Variants in DIAPH3 observed in about 807,000 individuals in gnomAD.
The protein encoded by DIAPH3 is diaphanous related formin 3.
In DIAPH3, 117 loss-of-function variants were observed where a neutral mutation model predicts 144.3. The observed-to-expected ratio is 0.81, with a 90% confidence interval of 0.70 to 0.95. The LOEUF (loss-of-function observed/expected upper bound fraction) is 0.95, where lower values mean the gene tolerates loss of function less well. DIAPH3 is among the 40% of genes least tolerant of loss of function. The probability of loss-of-function intolerance (pLI) is 0.00; values close to 1 mark genes in which losing one functional copy is unlikely to be tolerated. For synonymous variants in DIAPH3, 519 were observed against 488.9 expected, an observed-to-expected ratio of 1.06 and a Z score of -0.81; for missense variants, 1,421 against 1,412.7, an observed-to-expected ratio of 1.01 and a Z score of -0.09.
At chr13:59,810,448 A>T (rs1455820937) in intron 25 of DIAPH3, among the ~76,000 whole-genome samples, 1 of 152,148 alleles carries the variant, frequency 6.6e-6, no homozygotes, top group Non-Finnish European at 1.5e-5. Context: ...GTCCTATAGA[A>T]TTTTCCACAG....
At chr13:59,901,678 A>C (rs1320689611) in intron 20 of DIAPH3, among the ~76,000 whole-genome samples, 1 of 152,234 alleles carries the variant, frequency 6.6e-6, no homozygotes, top group Non-Finnish European at 1.5e-5. Flanking sequence ...GGTGTTCAAT[A>C]AATATTTGTC....
intron 27 of DIAPH3, among the ~76,000 whole-genome samples, chr13:59,772,894 T>C (rs2038198531): frequency 6.6e-6 from 1 of 152,064 alleles, no homozygotes; most frequent in Admixed American, 6.6e-5. Context: ...TGGAACCATA[T>C]TCTTGTCACA....
intron 25 of DIAPH3, among the ~76,000 whole-genome samples, chr13:59,780,295 C>T (rs2038667877): frequency 6.6e-6 from 1 of 152,020 alleles, no homozygotes; most frequent in Non-Finnish European, 1.5e-5. Flanking sequence ...ATGTTAGGGA[C>T]TGTAGAGGGA....
intron 20 of DIAPH3, 60 bp from the exon 21 acceptor site, chr13:59,879,528 C>A (rs772336932): frequency 1.2e-6 from 2 of 1,603,914 alleles, no homozygotes; most frequent in Non-Finnish European, 1.7e-6. Context: ...TAGTACTGTA[C>A]GACTGCAAGT....
intron 4 of DIAPH3, among the ~76,000 whole-genome samples, chr13:60,090,935 T>G (rs1214337143): frequency 6.6e-6 from 1 of 152,178 alleles, no homozygotes; most frequent in African/African-American, 2.4e-5. Flanking sequence ...TAGTCCAAAA[T>G]GATTAGAGGA....
chr13:59,910,605 T>C (rs2046949352), intron 20 of DIAPH3, among the ~76,000 whole-genome samples: 1 of 151,992 alleles, frequency 6.6e-6, no homozygotes, highest in South Asian at 2.1e-4. Context: ...GTTGGCCACC[T>C]ATAATCCCAG....
intron 27 of DIAPH3, among the ~76,000 whole-genome samples, chr13:59,714,746 C>T (rs7324646): frequency 0.056 from 8,528 of 152,162 alleles, 364 homozygotes; most frequent in Non-Finnish European, 0.087. Flanking sequence ...TTTATTGTCT[C>T]ACTTAACAAG....
At chr13:59,895,499 G>A (rs1832727853) in intron 20 of DIAPH3, among the ~76,000 whole-genome samples, 2 of 148,478 alleles carry the variant, frequency 1.3e-5, no homozygotes, top group Admixed American at 6.7e-5. Flanking sequence ...TGGAAGACAA[G>A]GATGTTTAAT....
At chr13:59,790,715 A>T (rs79542450) in intron 25 of DIAPH3, among the ~76,000 whole-genome samples, 37 of 152,110 alleles carry the variant, frequency 2.4e-4, no homozygotes, top group African/African-American at 8.0e-4. Flanking sequence ...AAAATTGGTG[A>T]AGAAAAAGAA....
chr13:59,678,838 C>T (rs1180016775), intron 27 of DIAPH3, among the ~76,000 whole-genome samples: 1 of 152,086 alleles, frequency 6.6e-6, no homozygotes, highest in African/African-American at 2.4e-5. Context: ...ACAAGTATGA[C>T]ATGAGTTAAT....
At chr13:60,007,730 A>G (rs1435812073) in intron 9 of DIAPH3, among the ~76,000 whole-genome samples, 1 of 152,190 alleles carries the variant, frequency 6.6e-6, no homozygotes, top group East Asian at 1.9e-4. Flanking sequence ...TTAAAAAAAG[A>G]AAGAGAAATT....
At chr13:59,882,251 G>T (rs1362065300) in intron 20 of DIAPH3, among the ~76,000 whole-genome samples, 2 of 151,984 alleles carry the variant, frequency 1.3e-5, no homozygotes, top group Non-Finnish European at 2.9e-5. Flanking sequence ...ACCACGCCCG[G>T]CTAATTTTTT....
intron 21 of DIAPH3, among the ~76,000 whole-genome samples, chr13:59,868,579 T>G (rs1259901388): frequency 6.6e-6 from 1 of 152,176 alleles, no homozygotes; most frequent in African/African-American, 2.4e-5. Flanking sequence ...TATTGTTAAC[T>G]AGTTTCCACG....
intron 17 of DIAPH3, among the ~76,000 whole-genome samples, chr13:59,968,237 T>A (rs1206748491): frequency 6.6e-6 from 1 of 152,188 alleles, no homozygotes; most frequent in Admixed American, 6.5e-5. Context: ...GTTTCCCTTT[T>A]GAGCCTCATT....
chr13:59,789,804 A>G (rs543592796), intron 25 of DIAPH3, among the ~76,000 whole-genome samples: 1 of 152,322 alleles, frequency 6.6e-6, no homozygotes, highest in South Asian at 2.1e-4. Flanking sequence ...AAAGGTGTGA[A>G]ATAATCAAAA....
chr13:59,988,614 G>C (rs960062230), intron 12 of DIAPH3, among the ~76,000 whole-genome samples: 1 of 151,766 alleles, frequency 6.6e-6, no homozygotes, highest in South Asian at 2.1e-4. Context: ...ATCTCCATGA[G>C]CAATATTGGT....
chr13:59,857,239 T>A (rs992054673), intron 22 of DIAPH3, among the ~76,000 whole-genome samples: 1 of 152,134 alleles, frequency 6.6e-6, no homozygotes, highest in African/African-American at 2.4e-5. Context: ...ATTTTCCAGG[T>A]GGTTGCCACC....
chr13:59,839,632 A>G (rs1593621819), intron 22 of DIAPH3, among the ~76,000 whole-genome samples, 184 bp from the exon 23 acceptor site: 1 of 152,340 alleles, frequency 6.6e-6, no homozygotes, highest in East Asian at 1.9e-4. Flanking sequence ...GAAATTCAGT[A>G]AGACAGTCTT....
At chr13:59,953,532 T>A (rs1375291230) in intron 17 of DIAPH3, among the ~76,000 whole-genome samples, 2 of 151,978 alleles carry the variant, frequency 1.3e-5, no homozygotes, top group African/African-American at 4.8e-5. Context: ...CAATAGGAAT[T>A]TTGGTAGGAG....
Sources: gnomAD v4.1 joint callset for allele counts (sites outside exome capture counted in the v4.1 genomes callset) on GRCh38, gnomAD v4.1.1 for gene constraint, MANE v1.5 for transcripts, NCBI Gene and HGNC (gene_info 2026-07-23, HGNC 2026-07-21) for gene names.